Variants in CPNE7 observed in about 807,000 individuals in gnomAD.
CPNE7 encodes the protein copine-7.
In CPNE7, 78 loss-of-function variants were observed where a neutral mutation model predicts 66.5. That is an observed-to-expected ratio of 1.17 (90% CI 0.98 to 1.42). The LOEUF (loss-of-function observed/expected upper bound fraction) is 1.42. Among genes scored for constraint, CPNE7 ranks in the 40% most tolerant of loss-of-function variants. The pLI, the probability that CPNE7 is intolerant of heterozygous loss-of-function variation, is 0.00. For missense variants in CPNE7, 1,012 were observed against 776.6 expected, an observed-to-expected ratio of 1.30 and a Z score of -3.60; for synonymous variants, 468 against 336.7, an observed-to-expected ratio of 1.39 and a Z score of -4.27.
intron 5 of CPNE7, among the ~76,000 whole-genome samples, chr16:89,585,138 C>T (rs1010081259): frequency 1.3e-5 from 2 of 152,200 alleles, no homozygotes; most frequent in African/African-American, 4.8e-5. Context: ...TCAGCGACGG[C>T]AGGGAGAGAG....
At chr16:89,589,014 G>A (rs557153821) in intron 10 of CPNE7, among the ~76,000 whole-genome samples, 77 of 152,334 alleles carry the variant, frequency 5.1e-4, no homozygotes, top group South Asian at 1.5e-3. Context: ...GTGAGGGGCC[G>A]GGCGCGGTAG....
At position 89,595,499 on chromosome 16, in the gene CPNE7, G is replaced by A. The variant is rs762215334; in HGVS notation, c.1435G>A (p.Asp479Asn). Residue 479 changes from aspartate to asparagine, a missense_variant, in exon 14 of 15, where the codon GAC (aspartate) becomes AAC (asparagine). Transcript: ENST00000319518. ...IVGVGNADFT[D>N]MQVLDGDDGV... is the part of the protein sequence containing the mutation. Reference sequence around the variant, plus strand: ...GGGCGTGGGCAACGCCGACTTCACCGACATGCAGGTCCTGGACGGCGACGA... The same window carrying A: ...GGGCGTGGGCAACGCCGACTTCACCAACATGCAGGTCCTGGACGGCGACGA... The A allele has an allele frequency of 9.3e-6, 15 of 1,612,530 alleles. No individual in the cohort carries two copies. Among genetic ancestry groups the A allele is most frequent in the African/African-American group, 6.7e-5 (5 of 74,948 alleles).
chr16:89,580,562 C>A (rs1336648716), intron 2 of CPNE7, among the ~76,000 whole-genome samples: 2 of 144,734 alleles, frequency 1.4e-5, no homozygotes, highest in African/African-American at 2.6e-5. Flanking sequence ...TCCCATCACC[C>A]ATCACACGGA....
In CPNE7 at chr16:89,584,647, C is replaced by T; in HGVS notation, c.508-127C>T. 2 of 712,616 alleles carry T rather than the reference C, an allele frequency of 2.8e-6. No individual in the cohort carries two copies. The highest frequency in any genetic ancestry group is 2.4e-6 in the Non-Finnish European group (1 of 410,454). 44.1% of individuals were successfully genotyped at this position (712,616 alleles called of 1,614,324 possible). A position where few individuals can be genotyped will look rare whatever the true frequency, so the allele number is the denominator to read the frequency against. On this transcript the variant is annotated intron_variant, in intron 4 of 14. Transcript: ENST00000319518. The surrounding 1 kb of genome is among the most constrained non-coding windows in gnomAD (Gnocchi z 6.0). ...GATGCTGTCGGCGGGGACTGGCTGCCTCGTTTTGTGCCTGAGGAATTAGCG... is the reference window on the plus strand; with the variant it reads ...GATGCTGTCGGCGGGGACTGGCTGCTTCGTTTTGTGCCTGAGGAATTAGCG...
chr16:89,590,801 TGACTGGGGGACATGGGGG>T (rs2059155063), intron 11 of CPNE7, among the ~76,000 whole-genome samples, 188 bp from the exon 12 acceptor site: 1 of 51,342 alleles, frequency 1.9e-5, no homozygotes, highest in Non-Finnish European at 3.7e-5. Flanking sequence ...GGGGAGCAGC[TGACTGGGGGACATGGGGG>T]CCGGGGACGG....
rs1373923435 is a variant in CPNE7, at chr16:89,584,505, C to T, written c.508-269C>T. Among the ~76,000 whole-genome samples, 3 of 151,824 alleles carry T rather than the reference C, an allele frequency of 2.0e-5. No homozygotes were observed. The highest frequency in any genetic ancestry group is 1.9e-4 in the East Asian group (1 of 5,166). ...GGGCGTCTCCCTGGAGGGGCTGAGT[C>T]GCAGGGTGTGTAGGGCAAGTCCGTG... is the stretch of plus-strand genomic sequence containing the variant. On this transcript the variant is annotated intron_variant, in intron 4 of 14. Coordinates refer to ENST00000319518, the MANE Select transcript of CPNE7 (RefSeq NM_153636.3). The surrounding 1 kb of genome is among the most constrained non-coding windows in gnomAD (Gnocchi z 6.0).
In CPNE7 at chr16:89,575,990, G is replaced by T; in HGVS notation, c.93G>T (p.Arg31=). The change falls in exon 1 of 15, where the codon CGG becomes CGT. Residue 31 remains arginine, a synonymous_variant. Coordinates refer to ENST00000319518, the MANE Select transcript of CPNE7 (RefSeq NM_153636.3). ...AGGTGGAGCTGCGGCTCAGCTGCCG[G>T]CACCTGCTGGACCGCGACCCGCTCA... ...ASKVELRLSC[R]HLLDRDPLTK... is the part of the protein sequence containing the mutation. 2.2e-6 allele frequency: 3 copies of T among 1,378,822 alleles called. No homozygotes were observed. The highest frequency in any genetic ancestry group is 1.9e-6 in the Non-Finnish European group (2 of 1,065,390). The allele number at this position is 1,378,822 out of a possible 1,614,324, so 85.4% of individuals were successfully genotyped here.
rs1400050374 is a variant in CPNE7, at chr16:89,580,117, C to T, written c.357+2396C>T. 7.2e-5 allele frequency among the ~76,000 whole-genome samples: 4 copies of T among 55,850 alleles called. 2 individuals are homozygous for T. The highest frequency in any genetic ancestry group is 4.3e-4 in the Admixed American group (2 of 4,674). 36.6% of individuals were successfully genotyped at this position (55,850 alleles called of 152,430 possible). On this transcript the variant is annotated intron_variant, in intron 2 of 14. Coordinates refer to ENST00000319518, the MANE Select transcript of CPNE7 (RefSeq NM_153636.3). ...ATCTCACCCATCACACAGAACATCC[C>T]GTCACCCGCTGACACAGAACATCTC...
In CPNE7 at chr16:89,588,914, AGGTGCACCCGGCC is replaced by A. The variant is rs1211980230; in HGVS notation, c.1061+110_1061+122del. ...CCCTGGTCTCCAGGTCAGCTATGACAGGTGCACCCGGCCGGTTTTCCCTCACCCCCCTGGGCTC... is the reference window on the plus strand; with the variant it reads ...CCCTGGTCTCCAGGTCAGCTATGACAGGTTTTCCCTCACCCCCCTGGGCTC... On this transcript the variant is annotated intron_variant, in intron 10 of 14. Transcript: ENST00000319518. 323 of 1,434,802 alleles carry A rather than the reference AGGTGCACCCGGCC, an allele frequency of 2.3e-4. 5 individuals are homozygous for A. The Middle Eastern group carries it at 2.3e-3, about 10-fold the overall frequency. The allele number at this position is 1,434,802 out of a possible 1,614,324, so 88.9% of individuals were successfully genotyped here. A position where few individuals can be genotyped will look rare whatever the true frequency, so the allele number is the denominator to read the frequency against.
At chr16:89,581,292 C>A (rs555252518) in intron 2 of CPNE7, among the ~76,000 whole-genome samples, 1 of 140,646 alleles carries the variant, frequency 7.1e-6, no homozygotes, top group South Asian at 2.3e-4. Context: ...ACCAGTCACA[C>A]AGAACATCCC....
At position 89,588,228 on chromosome 16, in the gene CPNE7, G is replaced by GCCCCCGTGTCACCCACAGATACACGGC. The variant is rs1567961889; in HGVS notation, c.928-433_928-432insACAGATACACGGCCCCCCGTGTCACCC. 4.8e-4 allele frequency among the ~76,000 whole-genome samples: 51 copies of GCCCCCGTGTCACCCACAGATACACGGC among 106,984 alleles called. 2 individuals are homozygous for GCCCCCGTGTCACCCACAGATACACGGC. The highest frequency in any genetic ancestry group is 1.6e-3 in the African/African-American group (47 of 28,876). The allele number at this position is 106,984 out of a possible 152,430, so 70.2% of individuals were successfully genotyped here. A position where few individuals can be genotyped will look rare whatever the true frequency, so the allele number is the denominator to read the frequency against. ...CCCGCGTGTCACCCACAGATACACG[G>GCCCCCGTGTCACCCACAGATACACGGC]CCCCCGTGTCACCCGCGTGTTATTT... On this transcript the variant is annotated intron_variant, in intron 9 of 14. Transcript: ENST00000319518.
chr16:89,588,887 C>T, intron 10 of CPNE7, 79 bp downstream of exon 10: 5 of 1,565,598 alleles, frequency 3.2e-6, no homozygotes, highest in South Asian at 1.1e-5. Flanking sequence ...TCCCCCTCAC[C>T]CCCCTGGTCT....
Position 89,591,135 on chromosome 16 carries a change from G to T in CPNE7, c.1177G>T (p.Gly393Cys). The change falls in exon 13 of 15, where the codon GGC becomes TGC. Residue 393 changes from glycine to cysteine, a missense_variant. Physicochemically the swap from Gly to Cys is radical, Grantham distance 159. Transcript: ENST00000319518. Reference protein sequence around the residue: ...PEDDECEGIQGVVEAYQNCLP... With the variant: ...PEDDECEGIQCVVEAYQNCLP... ...CCCCCTGCCCCCCACAGGCATCCAGGGCGTGGTGGAGGCCTACCAGAACTG... is the reference window on the plus strand; with the variant it reads ...CCCCCTGCCCCCCACAGGCATCCAGTGCGTGGTGGAGGCCTACCAGAACTG... The T allele has an allele frequency of 6.2e-7, 1 of 1,612,092 alleles. No homozygotes were observed. The highest frequency in any genetic ancestry group is 8.5e-7 in the Non-Finnish European group (1 of 1,179,434).
chr16:89,591,639 C>G (rs540265013), intron 13 of CPNE7, among the ~76,000 whole-genome samples: 1 of 152,204 alleles, frequency 6.6e-6, no homozygotes, highest in Non-Finnish European at 1.5e-5. Context: ...GGATTCTACT[C>G]TGCCACCGTG....
chr16:89,576,334 C>T (rs967264368), intron 1 of CPNE7, among the ~76,000 whole-genome samples: 5 of 151,494 alleles, frequency 3.3e-5, no homozygotes, highest in African/African-American at 1.2e-4. Flanking sequence ...GTGAGGGGTG[C>T]GGCCCAGGGT....
At chr16:89,586,888 G>A in intron 8 of CPNE7, 132 bp downstream of exon 8, 1 of 1,110,762 alleles carries the variant, frequency 9.0e-7, no homozygotes, top group Non-Finnish European at 1.3e-6. Flanking sequence ...CTGAGAGACG[G>A]GGAAGGGCGA....
chr16:89,587,011 C>CG, intron 8 of CPNE7, 32 bp from the exon 9 acceptor site: 1 of 1,564,102 alleles, frequency 6.4e-7, no homozygotes, highest in Non-Finnish European at 8.7e-7. Context: ...GTGTCCCTGG[C>CG]GGGGGTGGAC....
chr16:89,590,899 C>T (rs1221555843), intron 11 of CPNE7, 108 bp from the exon 12 acceptor site: 3 of 1,054,808 alleles, frequency 2.8e-6, no homozygotes, highest in Non-Finnish European at 3.8e-6. Context: ...GAGCAGCTGA[C>T]TGGGGGACAT....
chr16:89,578,840 G>C (rs1452234783), intron 2 of CPNE7: 2 of 1,605,440 alleles, frequency 1.2e-6, no homozygotes, highest in Admixed American at 1.7e-5. Context: ...ATGCTCTCTG[G>C]GTTACGGCCT....
Sources: allele counts gnomAD v4.1 joint callset (sites outside exome capture counted in the v4.1 genomes callset), GRCh38; gene constraint gnomAD v4.1.1; non-coding constraint Gnocchi (gnomAD v3.1); transcripts MANE v1.5; gene names NCBI Gene and HGNC (gene_info 2026-07-23, HGNC 2026-07-21).